Variants in RAP1A observed in about 807,000 individuals in gnomAD.
The protein encoded by RAP1A is ras-related protein Rap-1A.
In RAP1A, 6 loss-of-function variants were observed where a neutral mutation model predicts 26.4. That is an observed-to-expected ratio of 0.23 (90% CI 0.12 to 0.45). The LOEUF is 0.45. RAP1A is among the 20% of genes least tolerant of loss of function. The probability of loss-of-function intolerance (pLI) is 0.99; values close to 1 mark genes in which losing one functional copy is unlikely to be tolerated. For synonymous variants in RAP1A, 73 were observed against 79.4 expected, an observed-to-expected ratio of 0.92 and a Z score of 0.43; for missense variants, 121 against 217.2, an observed-to-expected ratio of 0.56 and a Z score of 2.78.
In RAP1A at chr1:111,703,438, C is replaced by A; in HGVS notation, c.286C>A (p.Leu96Met). Residue 96 changes from leucine (L) to methionine (M), a missense_variant, in exon 5 of 8, where the codon CTG (leucine) becomes ATG (methionine). Transcript: ENST00000369709. Reference sequence around the variant, plus strand: ...GTCCACGTTTAACGACTTACAGGACCTGAGGGAACAGATTTTACGGGTTAA... The same window carrying A: ...GTCCACGTTTAACGACTTACAGGACATGAGGGAACAGATTTTACGGGTTAA... ...AQSTFNDLQD[L>M]REQILRVKDT... is the part of the protein sequence containing the mutation. The A allele has an allele frequency of 6.2e-7, 1 of 1,605,706 alleles. No homozygotes were observed. Among genetic ancestry groups the A allele is most frequent in the Non-Finnish European group, 8.5e-7 (1 of 1,175,766 alleles).
At chr1:111,543,244 G>A (rs1249882569) in intron 1 of RAP1A, among the ~76,000 whole-genome samples, 1 of 151,944 alleles carries the variant, frequency 6.6e-6, no homozygotes, top group Non-Finnish European at 1.5e-5. Flanking sequence ...TGTGAACTCT[G>A]GTGTGTATGC....
At chr1:111,583,967 G>A (rs1390604589) in intron 1 of RAP1A, among the ~76,000 whole-genome samples, 2 of 138,958 alleles carry the variant, frequency 1.4e-5, no homozygotes, top group Non-Finnish European at 3.0e-5. Context: ...TGCAACGTCC[G>A]CCTCCCAGGT....
At chr1:111,589,286 C>A (rs965203638) in intron 1 of RAP1A, among the ~76,000 whole-genome samples, 3 of 152,160 alleles carry the variant, frequency 2.0e-5, no homozygotes, top group Admixed American at 6.5e-5. Context: ...CTGGGTATTT[C>A]AATTTATCCA....
intron 1 of RAP1A, among the ~76,000 whole-genome samples, chr1:111,551,013 G>T (rs1259691128): frequency 6.6e-6 from 1 of 151,974 alleles, no homozygotes; most frequent in Non-Finnish European, 1.5e-5. Flanking sequence ...TTTTTGTCTT[G>T]AAGTCTGACA....
intron 1 of RAP1A, among the ~76,000 whole-genome samples, chr1:111,607,540 C>T (rs1311911824): frequency 1.6e-4 from 24 of 151,858 alleles, no homozygotes; most frequent in Non-Finnish European, 3.4e-4. Flanking sequence ...ACCTCCCAGA[C>T]GGGGCGGCTG....
At chr1:111,639,298 T>G (rs1659821957) in intron 1 of RAP1A, among the ~76,000 whole-genome samples, 1 of 152,160 alleles carries the variant, frequency 6.6e-6, no homozygotes, top group Non-Finnish European at 1.5e-5. Context: ...ATAGATGTTA[T>G]AGTAGGTAAC....
At chr1:111,615,736 C>G (rs1265046146), upstream of RAP1A, among the ~76,000 whole-genome samples, 1 of 148,684 alleles carries the variant, frequency 6.7e-6, no homozygotes, top group Non-Finnish European at 1.5e-5. Context: ...GAGGCTGAAG[C>G]AGGAGAATCG....
intron 1 of RAP1A, among the ~76,000 whole-genome samples, chr1:111,654,756 A>G (rs1660395356): frequency 6.6e-6 from 1 of 151,010 alleles, no homozygotes; most frequent in Admixed American, 6.6e-5. Flanking sequence ...GCCAGTGATT[A>G]AATATAGGTG....
intron 7 of RAP1A, among the ~76,000 whole-genome samples, chr1:111,711,402 G>A (rs1044425953): frequency 2.0e-5 from 3 of 152,084 alleles, no homozygotes; most frequent in Non-Finnish European, 2.9e-5. Context: ...GGCCTATTAC[G>A]ATTTTTAAAA....
chr1:111,636,870 C>T (rs555921746), intron 1 of RAP1A, among the ~76,000 whole-genome samples: 1 of 152,240 alleles, frequency 6.6e-6, no homozygotes, highest in East Asian at 1.9e-4. Flanking sequence ...TCTATTACTT[C>T]AGTACATAAT....
intron 1 of RAP1A, among the ~76,000 whole-genome samples, chr1:111,614,700 T>C (rs1470066502): frequency 3.3e-5 from 5 of 152,196 alleles, no homozygotes; most frequent in African/African-American, 9.7e-5. Flanking sequence ...TGAGGGCTAG[T>C]GATGTTACTG....
intron 1 of RAP1A, among the ~76,000 whole-genome samples, chr1:111,577,145 G>C (rs1367856757): frequency 6.6e-6 from 1 of 152,166 alleles, no homozygotes; most frequent in Admixed American, 6.5e-5. Flanking sequence ...GCTCACGCCT[G>C]TAATCCCAGC....
intron 1 of RAP1A, among the ~76,000 whole-genome samples, chr1:111,574,369 A>G (rs1446127741): frequency 6.6e-6 from 1 of 152,200 alleles, no homozygotes; most frequent in Non-Finnish European, 1.5e-5. Context: ...GCTCTGCAGC[A>G]TAGCTTGAAG....
intron 6 of RAP1A, among the ~76,000 whole-genome samples, chr1:111,707,535 G>A (rs1291964962): frequency 6.6e-6 from 1 of 152,092 alleles, no homozygotes; most frequent in African/African-American, 2.4e-5. Flanking sequence ...CACAACCACA[G>A]CACAATGATT....
intron 1 of RAP1A, among the ~76,000 whole-genome samples, chr1:111,595,462 G>C (rs1307233466): frequency 6.6e-6 from 1 of 152,142 alleles, no homozygotes; most frequent in African/African-American, 2.4e-5. Flanking sequence ...ACATCTTCAA[G>C]CATCCTAGAG....
intron 1 of RAP1A, among the ~76,000 whole-genome samples, chr1:111,606,564 CT>C (rs1251724338): frequency 1.3e-5 from 2 of 152,200 alleles, no homozygotes; most frequent in African/African-American, 4.8e-5. Flanking sequence ...TTTCATGGCA[CT>C]GAGCCAAGAG....
rs762531145 is a variant in RAP1A, at chr1:111,708,040, G to A, written c.469-1109G>A. 4.6e-5 allele frequency among the ~76,000 whole-genome samples: 7 copies of A among 152,240 alleles called. No homozygotes were observed. In the East Asian group the frequency reaches 7.7e-4, roughly 17 times the overall value. ...AAAATACAAAAATTAGCTGGGTGTC[G>A]TGGTGCACGCTGTAGCTCCCAGCCG... is the stretch of plus-strand genomic sequence containing the variant. On this transcript the variant is annotated intron_variant, in intron 6 of 7. Transcript: ENST00000369709.
At chr1:111,656,479 T>G (rs1047307300) in intron 1 of RAP1A, among the ~76,000 whole-genome samples, 3 of 152,198 alleles carry the variant, frequency 2.0e-5, no homozygotes, top group African/African-American at 7.2e-5. Context: ...AGCAAACTCC[T>G]CAAAAAAATT....
intron 1 of RAP1A, among the ~76,000 whole-genome samples, chr1:111,603,200 G>T (rs997257273): frequency 6.6e-6 from 1 of 152,224 alleles, no homozygotes; most frequent in African/African-American, 2.4e-5. Flanking sequence ...GAAAGTACCA[G>T]TGCTGAATCA....
Sources: allele counts gnomAD v4.1 joint callset (sites outside exome capture counted in the v4.1 genomes callset), GRCh38; gene constraint gnomAD v4.1.1; transcripts MANE v1.5; gene names NCBI Gene and HGNC (gene_info 2026-07-23, HGNC 2026-07-21).